The following IGSF10 variants were observed in gnomAD, a reference collection of about 807,000 sequenced individuals.
IGSF10 encodes calvaria mechanical force protein 608.
A neutral mutation model predicts 128.2 loss-of-function variants in IGSF10; 126 were observed. That is an observed-to-expected ratio of 0.98 (90% confidence interval 0.85 to 1.14). IGSF10 has a LOEUF of 1.14. Among genes scored for constraint, IGSF10 ranks in the 50% most tolerant of loss-of-function variants. The pLI is 0.00. For synonymous variants in IGSF10, 1,185 were observed against 1,146.2 expected, an observed-to-expected ratio of 1.03 and a Z score of -0.68; for missense variants, 3,295 against 3,149.8, an observed-to-expected ratio of 1.05 and a Z score of -1.10.
intron 7 of IGSF10, among the ~76,000 whole-genome samples, chr3:151,440,168 T>C (rs1237252036): frequency 6.6e-6 from 1 of 152,154 alleles, no homozygotes; most frequent in Non-Finnish European, 1.5e-5. Context: ...TAGCTGGGAC[T>C]ACAGACACAC....
rs913975673 is a variant in IGSF10 at position 151,436,891 on chromosome 3, T to G, written c.7670A>C (p.Lys2557Thr). The change falls in exon 8 of 8, where the codon AAG (lysine) becomes ACG (threonine). Residue 2557 changes from lysine to threonine, a missense_variant. Transcript: ENST00000282466. ...QLHCVALGVPKPEITWEMPDH... is the reference protein window; with the variant it reads ...QLHCVALGVPTPEITWEMPDH... ...AGGCATCTCCCATGTGATTTCTGGCTTGGGAACTCCCAAGGCCACACAGTG... is the reference window on the plus strand; with the variant it reads ...AGGCATCTCCCATGTGATTTCTGGCGTGGGAACTCCCAAGGCCACACAGTG... 6.2e-7 allele frequency: 1 copy of G among 1,614,054 alleles called. No homozygotes were observed. Among genetic ancestry groups the G allele is most frequent in the African/African-American group, 1.3e-5 (1 of 74,924 alleles).
At chr3:151,432,607 G>A, downstream of IGSF10, 1 of 590,010 alleles carries the variant, frequency 1.7e-6, no homozygotes, top group Admixed American at 3.0e-5. Context: ...CACCACAAGG[G>A]TTTTTCAGGG....
chr3:151,449,185 C>T lies in IGSF10; in HGVS notation c.796G>A (p.Gly266Ser), dbSNP rs979960604. Residue 266 changes from glycine (G) to serine (S), a missense_variant, in exon 6 of 8, where the codon GGC (glycine) becomes AGC (serine). Coordinates refer to ENST00000282466, the MANE Select transcript of IGSF10 (RefSeq NM_178822.5). ...GCTGAGACCATAGCTAACGGCTTGC[C>T]TTTAGAAGTCCTAGGGTTCATGCAA... Reference protein sequence around the residue: ...PLCMNPRTSKGKPLAMVSAAA... With the variant: ...PLCMNPRTSKSKPLAMVSAAA... 8 of 1,614,014 alleles carry T rather than the reference C, an allele frequency of 5.0e-6. No individual in the cohort carries two copies. The highest frequency in any genetic ancestry group is 6.8e-6 in the Non-Finnish European group (8 of 1,180,034).
At chr3:151,453,288 C>G in intron 5 of IGSF10, 96 bp downstream of exon 5, 1 of 926,626 alleles carries the variant, frequency 1.1e-6, no homozygotes, top group Non-Finnish European at 1.6e-6. Context: ...GTTATTTTCT[C>G]TCCTAAATTA....
chr3:151,443,293 T>C lies in IGSF10; in HGVS notation c.5654A>G (p.Lys1885Arg), dbSNP rs201566058. 7 of 1,613,670 alleles carry C rather than the reference T, an allele frequency of 4.3e-6. No homozygotes were observed. Among genetic ancestry groups the C allele is most frequent in the Non-Finnish European group, 5.9e-6 (7 of 1,179,802 alleles). Residue 1885 changes from lysine (K) to arginine (R), a missense_variant, in exon 7 of 8, where the codon AAA (lysine) becomes AGA (arginine). By Grantham distance (26) the Lys-to-Arg change is conservative. Coordinates refer to ENST00000282466, the MANE Select transcript of IGSF10 (RefSeq NM_178822.5). ...YWVLSDGTEV[K>R]PLQFTNSKLF... is the part of the protein sequence containing the mutation. ...CTTGGAATTGGTAAACTGTAATGGT[T>C]TCACTTCAGTGCCATCAGAGAGGAC...
the IGSF10 span, among the ~76,000 whole-genome samples, chr3:151,559,451 T>A: frequency 6.6e-6 from 1 of 152,184 alleles, no homozygotes; most frequent in East Asian, 1.9e-4. Context: ...CAAAAATTGA[T>A]ATACTAGGAA....
rs757327728 is a variant in IGSF10, at chr3:151,448,977, T to G, written c.1004A>C (p.Gln335Pro). The change falls in exon 6 of 8, where the codon CAA (glutamine) becomes CCA (proline). Residue 335 changes from glutamine (Q) to proline (P), a missense_variant. By Grantham distance (76) the Gln-to-Pro change is moderately conservative. Coordinates refer to ENST00000282466, the MANE Select transcript of IGSF10 (RefSeq NM_178822.5). ...GNEANMVCSIQKPSRTSPIAF... is the reference protein window; with the variant it reads ...GNEANMVCSIPKPSRTSPIAF... ...AATGGGTGATGTCCTTGAGGGCTTTTGAATACTGCAGACCATGTTAGCTTC... is the reference window on the plus strand; with the variant it reads ...AATGGGTGATGTCCTTGAGGGCTTTGGAATACTGCAGACCATGTTAGCTTC... 6 of 1,614,246 alleles carry G rather than the reference T, an allele frequency of 3.7e-6. No homozygotes were observed. The highest frequency in any genetic ancestry group is 5.1e-6 in the Non-Finnish European group (6 of 1,180,034).
the IGSF10 span, among the ~76,000 whole-genome samples, chr3:151,561,793 G>T: frequency 2.6e-5 from 4 of 152,234 alleles, no homozygotes; most frequent in African/African-American, 7.2e-5. Context: ...AAAGTATGTG[G>T]AAGGCAGAGG....
rs768981457 is a variant in IGSF10, at chr3:151,447,992, C to G, written c.1989G>C (p.Lys663Asn). The G allele has an allele frequency of 1.2e-6, 2 of 1,614,176 alleles. No homozygotes were observed. The highest frequency in any genetic ancestry group is 1.1e-5 in the South Asian group (1 of 91,078). The change falls in exon 6 of 8, where the codon AAG becomes AAC. Residue 663 changes from lysine to asparagine, a missense_variant. Lys to Asn is a moderately conservative substitution (Grantham distance 94, BLOSUM62 0). Transcript: ENST00000282466. The part of the protein sequence containing the change: ...VDFLIFQVSV[K>N]MKGQRPLEHD... ...GCTCCAAGGGCCTTTGTCCTTTCAT[C>G]TTGACTGAAACTTGGAAAATCAAAA...
At chr3:151,560,614 T>A in the IGSF10 span, among the ~76,000 whole-genome samples, 44 of 152,250 alleles carry the variant, frequency 2.9e-4, no homozygotes, top group African/African-American at 1.0e-3. Context: ...TAAGTTATGA[T>A]GTTAATTTAA....
chr3:151,445,835 G>T lies in IGSF10; in HGVS notation c.4146C>A (p.Ala1382=). ...TAMTPPVLTT[A]ETSVKPSVSA... ...AGACACTGGGCTTGACTGAAGTTTC[G>T]GCTGTGGTTAGAACAGGAGGTGTCA... Residue 1382 remains alanine (A), a synonymous_variant, in exon 6 of 8, where the codon GCC becomes GCA. Transcript: ENST00000282466. 4 of 1,614,146 alleles carry T rather than the reference G, an allele frequency of 2.5e-6. No individual in the cohort carries two copies. Among genetic ancestry groups the T allele is most frequent in the Non-Finnish European group, 3.4e-6 (4 of 1,180,028 alleles).
intron 5 of IGSF10, 21 bp downstream of exon 5, chr3:151,453,363 A>C: frequency 1.3e-6 from 2 of 1,539,368 alleles, no homozygotes; most frequent in Middle Eastern, 3.5e-4. Flanking sequence ...ATTGGGACAA[A>C]AAAATAAACA....
At chr3:151,594,628 T>C in the IGSF10 span, among the ~76,000 whole-genome samples, 4 of 151,466 alleles carry the variant, frequency 2.6e-5, no homozygotes, top group Non-Finnish European at 5.9e-5. Context: ...GGCCCTTTTT[T>C]TTTTTTTTTT....
At chr3:151,442,475 G>T (rs1167511082) in intron 7 of IGSF10, among the ~76,000 whole-genome samples, 1 of 147,292 alleles carries the variant, frequency 6.8e-6, no homozygotes, top group Non-Finnish European at 1.5e-5. Context: ...TGCCTTCCAG[G>T]TTCAAGCAAT....
chr3:151,512,830 A>G, the IGSF10 span, among the ~76,000 whole-genome samples: 185 of 152,346 alleles, frequency 1.2e-3, 2 homozygotes, highest in African/African-American at 4.2e-3. Context: ...AGAATACTAC[A>G]AACACCTCTA....
At chr3:151,584,398 AT>A in the IGSF10 span, among the ~76,000 whole-genome samples, 1 of 152,148 alleles carries the variant, frequency 6.6e-6, no homozygotes, top group Non-Finnish European at 1.5e-5. Context: ...GACCATTTGC[AT>A]TTTAATATAC....
chr3:151,502,629 A>G, the IGSF10 span, among the ~76,000 whole-genome samples: 1 of 151,950 alleles, frequency 6.6e-6, no homozygotes, highest in Admixed American at 6.6e-5. Context: ...CAATATTATA[A>G]AATTACTATA....
At chr3:151,452,857 C>T (rs1291804181) in intron 5 of IGSF10, among the ~76,000 whole-genome samples, 1 of 151,900 alleles carries the variant, frequency 6.6e-6, no homozygotes, top group Non-Finnish European at 1.5e-5. Context: ...CTCAGAACGG[C>T]TGAGCAGTTT....
chr3:151,516,023 A>G, the IGSF10 span, among the ~76,000 whole-genome samples: 6 of 152,030 alleles, frequency 3.9e-5, no homozygotes, highest in Non-Finnish European at 7.4e-5. Context: ...CACCAGATAA[A>G]GAAAGCTTTT....
Sources: gnomAD v4.1 joint callset for allele counts (sites outside exome capture counted in the v4.1 genomes callset) on GRCh38, gnomAD v4.1.1 for gene constraint, MANE v1.5 for transcripts, NCBI Gene and HGNC (gene_info 2026-07-23, HGNC 2026-07-21) for gene names.